Variants in FRMD4A observed in about 807,000 individuals in gnomAD.
FRMD4A encodes the protein FERM domain containing 4A.
A neutral mutation model predicts 129.1 loss-of-function variants in FRMD4A; 29 were observed. The ratio of observed to expected loss-of-function variants is 0.22; its 90% CI spans 0.17 to 0.31. FRMD4A has a LOEUF of 0.31. FRMD4A is among the 10% of genes least tolerant of loss of function. The probability of loss-of-function intolerance (pLI) is 1.00; values close to 1 mark genes in which losing one functional copy is unlikely to be tolerated. For missense variants in FRMD4A, 1,272 were observed against 1,375.8 expected (o/e 0.92, Z 1.19); for synonymous variants, 634 against 571.6 (o/e 1.11, Z -1.56).
chr10:14,109,828 C>G (rs186767811), intron 2 of FRMD4A, among the ~76,000 whole-genome samples: 6 of 151,252 alleles, frequency 4.0e-5, no homozygotes, highest in African/African-American at 1.2e-4. Context: ...AAAAATTAGC[C>G]GGGTGTGGTG....
At chr10:14,054,718 T>C (rs1046422842) in intron 2 of FRMD4A, among the ~76,000 whole-genome samples, 1 of 152,072 alleles carries the variant, frequency 6.6e-6, no homozygotes, top group African/African-American at 2.4e-5. Context: ...CCAAATCTCA[T>C]CTTGAATTGT....
At chr10:13,681,954 C>T (rs896060236) in intron 15 of FRMD4A, among the ~76,000 whole-genome samples, 2 of 152,134 alleles carry the variant, frequency 1.3e-5, no homozygotes, top group Non-Finnish European at 2.9e-5. Flanking sequence ...GGTGGTGTCT[C>T]ACACCTATAA....
intron 2 of FRMD4A, among the ~76,000 whole-genome samples, chr10:13,958,602 T>TTC (rs2095425822): frequency 7.0e-6 from 1 of 142,162 alleles, no homozygotes; most frequent in African/African-American, 2.7e-5. Context: ...CTTTCTTTCT[T>TTC]TTTTTTTTTC....
intron 2 of FRMD4A, among the ~76,000 whole-genome samples, chr10:14,085,467 C>T (rs1836213286): frequency 6.6e-6 from 1 of 152,200 alleles, no homozygotes; most frequent in African/African-American, 2.4e-5. Context: ...TTGGTACTGT[C>T]ACTCCACAGC....
chr10:13,943,646 C>CAAAAAAAAAAAAAA (rs55774636), intron 2 of FRMD4A, among the ~76,000 whole-genome samples: 15 of 58,264 alleles, frequency 2.6e-4, no homozygotes, highest in East Asian at 8.3e-4. Flanking sequence ...GACTCTGTCT[C>CAAAAAAAAAAAAAA]AAAAAAAAAA....
intron 2 of FRMD4A, among the ~76,000 whole-genome samples, chr10:13,929,603 A>T (rs533650301): frequency 6.6e-6 from 1 of 152,336 alleles, no homozygotes; most frequent in Admixed American, 6.5e-5. Flanking sequence ...CCACCTGAAA[A>T]AATTGGGGGA....
At chr10:13,913,185 A>G (rs987829095) in intron 2 of FRMD4A, among the ~76,000 whole-genome samples, 3 of 152,250 alleles carry the variant, frequency 2.0e-5, no homozygotes, top group African/African-American at 4.8e-5. Context: ...CACTTACAAA[A>G]GACCACATAT....
chr10:13,820,376 C>T lies in FRMD4A; in HGVS notation c.112-9468G>A, dbSNP rs570143830. Among the ~76,000 whole-genome samples the T allele has an allele frequency of 2.6e-5, 4 of 152,202 alleles. No homozygotes were observed. The East Asian group carries it at 5.8e-4, about 22-fold the overall frequency. ...ACATTGGTGTTCTCTCTCCACTGTC[C>T]CTGTGGCACTCTGGGCTGGGAAGGC... On this transcript the variant is annotated intron_variant, in intron 3 of 24. Coordinates refer to ENST00000357447, the MANE Select transcript of FRMD4A (RefSeq NM_018027.5).
At position 14,068,723 on chromosome 10, in the gene FRMD4A, A is replaced by G. The variant is rs10508472; in HGVS notation, c.46-209811T>C. Among the ~76,000 whole-genome samples the G allele has an allele frequency of 5.3e-4, 80 of 152,332 alleles. 1 individual carries two copies. The highest frequency in any genetic ancestry group is 3.9e-3 in the Admixed American group (60 of 15,306). On this transcript the variant is annotated intron_variant, in intron 2 of 24. Transcript: ENST00000357447. ...CATCATAGAGTGCTGTGTAGAAGCC[A>G]AACTCAAGATATTCACATATTAAGA...
chr10:14,279,887 C>A (rs1218382356), intron 2 of FRMD4A, among the ~76,000 whole-genome samples: 1 of 152,232 alleles, frequency 6.6e-6, no homozygotes, highest in Admixed American at 6.5e-5. Context: ...GTCATAACCA[C>A]TCCACATTAT....
chr10:13,838,387 C>A (rs1351440906), intron 3 of FRMD4A, among the ~76,000 whole-genome samples: 1 of 152,044 alleles, frequency 6.6e-6, no homozygotes, highest in Non-Finnish European at 1.5e-5. Flanking sequence ...AACTACCACG[C>A]CCAGCCACAA....
intron 2 of FRMD4A, among the ~76,000 whole-genome samples, chr10:13,877,329 A>G (rs1328396857): frequency 6.6e-6 from 1 of 152,208 alleles, no homozygotes; most frequent in Non-Finnish European, 1.5e-5. Context: ...TCCAAGGTCC[A>G]CATGCTCAGA....
intron 2 of FRMD4A, among the ~76,000 whole-genome samples, chr10:14,281,993 G>A (rs896539152): frequency 6.6e-6 from 1 of 152,176 alleles, no homozygotes; most frequent in African/African-American, 2.4e-5. Context: ...GTTACACGTG[G>A]CGGGGGAGGC....
intron 2 of FRMD4A, among the ~76,000 whole-genome samples, chr10:14,073,891 C>T (rs540062258): frequency 6.6e-6 from 1 of 152,184 alleles, no homozygotes; most frequent in Admixed American, 6.5e-5. Flanking sequence ...GTGGGAGGAT[C>T]ACTTGAGGGC....
At chr10:14,277,734 C>A (rs1193314739) in intron 2 of FRMD4A, among the ~76,000 whole-genome samples, 2 of 152,226 alleles carry the variant, frequency 1.3e-5, no homozygotes, top group Non-Finnish European at 2.9e-5. Flanking sequence ...AGCCTCTCCA[C>A]TCCTCACACC....
chr10:14,227,504 G>A (rs575730041), intron 2 of FRMD4A, among the ~76,000 whole-genome samples: 9 of 151,936 alleles, frequency 5.9e-5, no homozygotes, highest in South Asian at 4.2e-4. Context: ...CACCCACCTC[G>A]GCCTCCCAAA....
chr10:13,784,824 C>T (rs1313624606), intron 5 of FRMD4A, among the ~76,000 whole-genome samples: 1 of 151,986 alleles, frequency 6.6e-6, no homozygotes, highest in Non-Finnish European at 1.5e-5. Flanking sequence ...ACCCCTGTCT[C>T]TACTAAAAAT....
At chr10:14,070,249 A>C (rs1209288350) in intron 2 of FRMD4A, among the ~76,000 whole-genome samples, 2 of 151,968 alleles carry the variant, frequency 1.3e-5, no homozygotes, top group African/African-American at 4.8e-5. Flanking sequence ...GTAATCCAGC[A>C]CCTCCTCTAT....
intron 2 of FRMD4A, among the ~76,000 whole-genome samples, chr10:13,908,164 TAAAA>T (rs58370207): frequency 9.7e-5 from 4 of 41,118 alleles, no homozygotes; most frequent in Middle Eastern, 0.029. Context: ...AAACTCCATC[TAAAA>T]AAAAAAAAAA....
Sources: allele counts gnomAD v4.1 joint callset (sites outside exome capture counted in the v4.1 genomes callset), GRCh38; gene constraint gnomAD v4.1.1; transcripts MANE v1.5; gene names NCBI Gene and HGNC (gene_info 2026-07-23, HGNC 2026-07-21).